ULK4: variants seen among roughly 807,000 people sequenced by gnomAD.
ULK4 encodes unc-51 like kinase 4.
ULK4 carries 133 observed loss-of-function variants against 160.6 expected under a neutral mutation model. That is an observed-to-expected ratio of 0.83 (90% confidence interval 0.72 to 0.96). The LOEUF is 0.96. ULK4 is among the 40% of genes least tolerant of loss of function. The probability of loss-of-function intolerance (pLI) is 0.00; values close to 1 mark genes in which losing one functional copy is unlikely to be tolerated. For synonymous variants in ULK4, 534 were observed against 539.8 expected, an observed-to-expected ratio of 0.99 and a Z score of 0.15; for missense variants, 1,580 against 1,499.5, an observed-to-expected ratio of 1.05 and a Z score of -0.89.
At chr3:41,723,770 G>C (rs765834991) in intron 22 of ULK4, among the ~76,000 whole-genome samples, 1 of 152,174 alleles carries the variant, frequency 6.6e-6, no homozygotes, top group Non-Finnish European at 1.5e-5. Flanking sequence ...CTACCAAACT[G>C]CAAACAGGGG....
intron 21 of ULK4, among the ~76,000 whole-genome samples, chr3:41,788,508 C>G (rs1206435167): frequency 6.6e-6 from 1 of 152,106 alleles, no homozygotes; most frequent in East Asian, 1.9e-4. Flanking sequence ...CACGGTGAAA[C>G]CCCGTCTCTA....
At chr3:41,774,459 A>G (rs10452020) in intron 21 of ULK4, among the ~76,000 whole-genome samples, 17 of 148,264 alleles carry the variant, frequency 1.1e-4, no homozygotes, top group East Asian at 7.7e-4. Flanking sequence ...GCAGCCAAAA[A>G]ACACATGAAA....
chr3:41,717,888 C>T (rs1362704085), intron 22 of ULK4, 27 bp from the exon 23 acceptor site: 4 of 1,606,144 alleles, frequency 2.5e-6, no homozygotes, highest in Non-Finnish European at 2.6e-6. Flanking sequence ...GCAAAGATTA[C>T]CTCTCATGAT....
At chr3:41,929,653 C>T (rs913421448) in intron 5 of ULK4, among the ~76,000 whole-genome samples, 1 of 152,108 alleles carries the variant, frequency 6.6e-6, no homozygotes, top group Non-Finnish European at 1.5e-5. Flanking sequence ...CAGGATACAA[C>T]ATCAATGTGC....
chr3:41,828,247 G>T (rs1418415604), intron 18 of ULK4, among the ~76,000 whole-genome samples: 1 of 144,426 alleles, frequency 6.9e-6, no homozygotes, highest in Non-Finnish European at 1.5e-5. Flanking sequence ...ACAAGACAGG[G>T]ATGCCCTCTC....
intron 3 of ULK4, chr3:41,937,065 T>C (rs1330914292): frequency 2.5e-6 from 1 of 405,126 alleles, no homozygotes; most frequent in Admixed American, 4.0e-5. Flanking sequence ...AAAAATTAAA[T>C]ATTAATACAA....
At chr3:41,762,134 A>G (rs1007783602) in intron 21 of ULK4, among the ~76,000 whole-genome samples, 1 of 152,116 alleles carries the variant, frequency 6.6e-6, no homozygotes, top group Admixed American at 6.6e-5. Context: ...AAATAATCCA[A>G]AAGGCCCTTC....
intron 17 of ULK4, among the ~76,000 whole-genome samples, chr3:41,858,156 T>TTTTTTTTTTTTTTTTA (rs2042410754): frequency 7.0e-6 from 1 of 142,766 alleles, no homozygotes; most frequent in Non-Finnish European, 1.5e-5. Flanking sequence ...TGTTTTTTTT[T>TTTTTTTTTTTTTTTTA]TTTTTTTTTT....
At chr3:41,495,808 G>A (rs998316716) in intron 32 of ULK4, among the ~76,000 whole-genome samples, 3 of 151,608 alleles carry the variant, frequency 2.0e-5, no homozygotes, top group Non-Finnish European at 4.4e-5. Flanking sequence ...CATTTACGCA[G>A]CCAAAAGACA....
At chr3:41,456,959 G>A (rs2083568765) in intron 33 of ULK4, among the ~76,000 whole-genome samples, 1 of 152,158 alleles carries the variant, frequency 6.6e-6, no homozygotes, top group South Asian at 2.1e-4. Context: ...CAAAAGATAA[G>A]GAGAACAAGG....
At chr3:41,486,894 T>C (rs2084557041) in intron 32 of ULK4, among the ~76,000 whole-genome samples, 1 of 124,472 alleles carries the variant, frequency 8.0e-6, no homozygotes. Context: ...ACTCTCCCAA[T>C]TTTGTACTCA....
intron 35 of ULK4, among the ~76,000 whole-genome samples, chr3:41,303,327 G>A (rs925275788): frequency 2.0e-5 from 3 of 152,126 alleles, no homozygotes; most frequent in Non-Finnish European, 4.4e-5. Flanking sequence ...AAAACTCCAG[G>A]GAGGCTATTA....
chr3:41,564,330 A>C (rs2087709588), intron 32 of ULK4, among the ~76,000 whole-genome samples: 1 of 151,920 alleles, frequency 6.6e-6, no homozygotes, highest in African/African-American at 2.4e-5. Context: ...GTTAGGCTAC[A>C]AGGGGGTCAG....
At chr3:41,559,069 T>C (rs1259223588) in intron 32 of ULK4, among the ~76,000 whole-genome samples, 1 of 148,018 alleles carries the variant, frequency 6.8e-6, no homozygotes, top group African/African-American at 2.5e-5. Flanking sequence ...ATGTTCCCCT[T>C]CCTGTGTCCA....
Position 41,430,187 on chromosome 3 carries a change from C to T in ULK4, c.3492+25310G>A, listed in dbSNP as rs183290410. 2.6e-4 allele frequency among the ~76,000 whole-genome samples: 40 copies of T among 152,092 alleles called. No homozygotes were observed. The East Asian group carries it at 5.8e-3, about 22-fold the overall frequency. ...GCAAGGGTAATAAAATAAAAACTACCACTTCCTAACAGTAGAAACTTAACA... is the reference window on the plus strand; with the variant it reads ...GCAAGGGTAATAAAATAAAAACTACTACTTCCTAACAGTAGAAACTTAACA... On this transcript the variant is annotated intron_variant, in intron 34 of 36. Transcript: ENST00000301831.
At position 41,566,256 on chromosome 3, in the gene ULK4, C is replaced by T. The variant is rs548022535; in HGVS notation, c.3121-126G>A. On this transcript the variant is annotated intron_variant, in intron 31 of 36. Coordinates refer to ENST00000301831, the MANE Select transcript of ULK4 (RefSeq NM_017886.4). ...AAGGTTAAATGATTACCTTTTTGCA[C>T]TTTAATGAAGCACATCCTTCTATGT... The T allele has an allele frequency of 1.1e-5, 8 of 755,918 alleles. No homozygotes were observed. The African/African-American group carries it at 1.1e-4, about 10-fold the overall frequency. The allele number at this position is 755,918 out of a possible 1,614,324, so 46.8% of individuals were successfully genotyped here.
chr3:41,556,569 C>G (rs1415961173), intron 32 of ULK4, among the ~76,000 whole-genome samples: 1 of 146,628 alleles, frequency 6.8e-6, no homozygotes, highest in South Asian at 2.1e-4. Flanking sequence ...CTCACTGCAA[C>G]CTCCACCTCC....
At chr3:41,298,586 T>G (rs1270711964) in intron 35 of ULK4, among the ~76,000 whole-genome samples, 1 of 152,236 alleles carries the variant, frequency 6.6e-6, no homozygotes, top group African/African-American at 2.4e-5. Context: ...ACCATAATCA[T>G]GCCCTCTGTT....
intron 35 of ULK4, among the ~76,000 whole-genome samples, chr3:41,322,493 T>C (rs916698780): frequency 1.3e-5 from 2 of 152,192 alleles, no homozygotes; most frequent in Admixed American, 1.3e-4. Context: ...CCACATAAGA[T>C]AGTATCTCTC....
Sources: allele counts gnomAD v4.1 joint callset (sites outside exome capture counted in the v4.1 genomes callset), GRCh38; gene constraint gnomAD v4.1.1; transcripts MANE v1.5; gene names NCBI Gene and HGNC (gene_info 2026-07-23, HGNC 2026-07-21).